Variants in KIAA1755 observed in about 807,000 individuals in gnomAD.
The protein encoded by KIAA1755 is KIAA1755, also known as uncharacterized protein KIAA1755.
In KIAA1755, 68 loss-of-function variants were observed where a neutral mutation model predicts 91.7. The ratio of observed to expected loss-of-function variants is 0.74; its 90% CI spans 0.61 to 0.91. The LOEUF (loss-of-function observed/expected upper bound fraction) is 0.91, where lower values mean the gene tolerates loss of function less well. KIAA1755 is among the 40% of genes least tolerant of loss of function. The pLI is 0.00. For synonymous variants in KIAA1755, 610 were observed against 604.6 expected (o/e 1.01, Z -0.13); for missense variants, 1,535 against 1,494.4 (o/e 1.03, Z -0.45).
chr20:38,244,866 T>C (rs906766993), intron 2 of KIAA1755, among the ~76,000 whole-genome samples: 5 of 152,162 alleles, frequency 3.3e-5, no homozygotes, highest in African/African-American at 1.2e-4. Flanking sequence ...TAGCTGGGAC[T>C]ACAGGCATGT....
Position 38,241,291 on chromosome 20 carries a change from G to A in KIAA1755, c.840C>T (p.Gly280=). Reference sequence around the variant, plus strand: ...ACTCTCCTCTGCTCTCTTGGGAAAAGCCTAGGAGAGCCACATAGTCTCCCT... The same window carrying A: ...ACTCTCCTCTGCTCTCTTGGGAAAAACCTAGGAGAGCCACATAGTCTCCCT... ...DFEGDYVALL[G]FSQESRGESP... The change falls in exon 3 of 14, where the codon GGC becomes GGT. Residue 280 remains glycine, a synonymous_variant. Coordinates refer to ENST00000279024, the MANE Select transcript of KIAA1755 (RefSeq NM_001029864.2). 6.2e-7 allele frequency: 1 copy of A among 1,614,110 alleles called. No homozygotes were observed. Among genetic ancestry groups the A allele is most frequent in the Non-Finnish European group, 8.5e-7 (1 of 1,180,004 alleles).
Position 38,223,539 on chromosome 20 carries a change from T to C in KIAA1755, c.2267A>G (p.Gln756Arg), listed in dbSNP as rs200914841. The C allele has an allele frequency of 8.6e-5, 136 of 1,576,974 alleles. No individual in the cohort carries two copies. Among genetic ancestry groups the C allele is most frequent in the Non-Finnish European group, 1.0e-4 (119 of 1,166,352 alleles). Residue 756 changes from glutamine to arginine, a missense_variant and splice_region_variant, in exon 9 of 14, where the codon CAG becomes CGG. Coordinates refer to ENST00000279024, the MANE Select transcript of KIAA1755 (RefSeq NM_001029864.2). Reference sequence around the variant, plus strand: ...CCAGTCACCATGCTCCAGGCTCACCTGCATCCCCCCAGGGGGGTCGGCCTT... The same window carrying C: ...CCAGTCACCATGCTCCAGGCTCACCCGCATCCCCCCAGGGGGGTCGGCCTT... ...FEKADPPGGMQEATRCLSKSK... is the reference protein window; with the variant it reads ...FEKADPPGGMREATRCLSKSK...
chr20:38,233,908 T>C (rs1488995527), intron 4 of KIAA1755: 1 of 152,098 alleles, frequency 6.6e-6, no homozygotes, highest in African/African-American at 2.4e-5. Context: ...AGATAGGGTG[T>C]TTAAAGAGGT....
intron 4 of KIAA1755, among the ~76,000 whole-genome samples, chr20:38,235,218 CTGAGAGCTCAGGG>C (rs1187287897): frequency 6.6e-6 from 1 of 152,182 alleles, no homozygotes; most frequent in African/African-American, 2.4e-5. Flanking sequence ...TATGGAGCAA[CTGAGAGCTCAGGG>C]TGAGGTCTCA....
intron 1 of KIAA1755, among the ~76,000 whole-genome samples, chr20:38,247,484 T>G (rs1335790453): frequency 1.3e-5 from 2 of 152,198 alleles, no homozygotes; most frequent in African/African-American, 4.8e-5. Flanking sequence ...TCCAGGAGAT[T>G]TTCTTGGGTG....
chr20:38,228,065 C>A, intron 6 of KIAA1755, 82 bp downstream of exon 6: 2 of 969,016 alleles, frequency 2.1e-6, no homozygotes, highest in African/African-American at 1.7e-5. Context: ...CAGCCTTAAG[C>A]ACCCCCGGAC....
intron 1 of KIAA1755, 151 bp downstream of exon 1, chr20:38,260,347 G>A (rs763033754): frequency 2.5e-6 from 4 of 1,573,752 alleles, no homozygotes; most frequent in Non-Finnish European, 3.5e-6. Context: ...CCCTGCTGGG[G>A]TGGAAGCAGG....
rs185652815 is a variant in KIAA1755 at position 38,232,552 on chromosome 20, T to C, written c.1748-1227A>G. Among the ~76,000 whole-genome samples the C allele has an allele frequency of 2.2e-3, 326 of 148,998 alleles. 3 individuals are homozygous for C. In the East Asian group the frequency reaches 0.043, roughly 20 times the overall value. On this transcript the variant is annotated intron_variant, in intron 4 of 13. Coordinates refer to ENST00000279024, the MANE Select transcript of KIAA1755 (RefSeq NM_001029864.2). ...CTGAGGCATGAGAATGGCGTGAACC[T>C]GGGAGGTGGAGCTTGCAGTGAGCCG...
Position 38,212,551 on chromosome 20 carries a change from A to C in KIAA1755, c.*491T>G, listed in dbSNP as rs1431700489. The C allele has an allele frequency of 1.3e-5, 2 of 155,294 alleles. No individual in the cohort carries two copies. The highest frequency in any genetic ancestry group is 3.8e-4 in the East Asian group (2 of 5,252). 9.6% of individuals were successfully genotyped at this position (155,294 alleles called of 1,614,324 possible). Reference sequence around the variant, plus strand: ...AGCAGAGGTTCCTGGATCAGCACCAAACACACTGATCCTTAAATCCTCATC... The same window carrying C: ...AGCAGAGGTTCCTGGATCAGCACCACACACACTGATCCTTAAATCCTCATC... On this transcript the variant is annotated 3_prime_UTR_variant, in exon 14 of 14. Coordinates refer to ENST00000279024, the MANE Select transcript of KIAA1755 (RefSeq NM_001029864.2).
chr20:38,215,807 C>A (rs1239876861), intron 13 of KIAA1755, among the ~76,000 whole-genome samples: 1 of 152,158 alleles, frequency 6.6e-6, no homozygotes, highest in South Asian at 2.1e-4. Context: ...TACTCCTCTT[C>A]TTCCTCCTCT....
At chr20:38,233,046 G>A (rs571559523) in intron 4 of KIAA1755, among the ~76,000 whole-genome samples, 4 of 152,136 alleles carry the variant, frequency 2.6e-5, no homozygotes, top group Admixed American at 6.5e-5. Context: ...CGCTTGAGCC[G>A]GGGAGGTTGA....
intron 4 of KIAA1755, among the ~76,000 whole-genome samples, chr20:38,232,199 G>T (rs185184812): frequency 1.3e-5 from 2 of 152,312 alleles, no homozygotes; most frequent in Non-Finnish European, 2.9e-5. Flanking sequence ...CCTCTGCAGC[G>T]TGCAAAACCC....
Position 38,223,551 on chromosome 20 carries a change from G to C in KIAA1755, c.2255C>G (p.Pro752Arg). The stretch of plus-strand genomic sequence containing the variant: ...CTCCAGGCTCACCTGCATCCCCCCA[G>C]GGGGGTCGGCCTTCTCGAATTCCTC... ...SIEEFEKADP[P>R]GGMQEATRCL... Residue 752 changes from proline to arginine, a missense_variant, in exon 9 of 14, where the codon CCT becomes CGT. Coordinates refer to ENST00000279024, the MANE Select transcript of KIAA1755 (RefSeq NM_001029864.2). The C allele has an allele frequency of 2.5e-6, 4 of 1,594,298 alleles. No individual in the cohort carries two copies. Among genetic ancestry groups the C allele is most frequent in the South Asian group, 1.1e-5 (1 of 87,878 alleles).
intron 2 of KIAA1755, among the ~76,000 whole-genome samples, chr20:38,244,806 TCAAGCGATTCTCCTGCCTC>T (rs2076126189): frequency 6.6e-6 from 1 of 152,162 alleles, no homozygotes; most frequent in South Asian, 2.1e-4. Context: ...CCTCCTGGGT[TCAAGCGATTCTCCTGCCTC>T]CAAGCGATTC....
In KIAA1755 at chr20:38,222,457, AG is replaced by A; in HGVS notation, c.2408del (p.Pro803LeufsTer66). On this transcript the variant is annotated frameshift_variant, in exon 10 of 14. Coordinates refer to ENST00000279024, the MANE Select transcript of KIAA1755 (RefSeq NM_001029864.2). LOFTEE classifies it high-confidence loss of function. ...QHDASRLDFS[P>X]DVRSHLAAAT... ...GGCCTGGACGTCTGTACCTGACATC[AG>A]GGCTGAAGTCCAGCCTGCTGGCATC... 3 of 1,612,950 alleles carry A rather than the reference AG, an allele frequency of 1.9e-6. No individual in the cohort carries two copies. Among genetic ancestry groups the A allele is most frequent in the Non-Finnish European group, 2.5e-6 (3 of 1,179,918 alleles).
rs2075859709 is a variant in KIAA1755 at position 38,231,326 on chromosome 20, C to T, written c.1748-1G>A. 1 of 1,606,776 alleles carries T rather than the reference C, an allele frequency of 6.2e-7. No individual in the cohort carries two copies. Among genetic ancestry groups the T allele is most frequent in the South Asian group, 1.1e-5 (1 of 89,872 alleles). ...GGCCGCCCGGCCCTGTCCCGGCCAC[C>T]TGGAGGACAGAGGGCACACGTGAGC... On this transcript the variant is annotated splice_acceptor_variant, in intron 4 of 13. Transcript: ENST00000279024. LOFTEE classifies it high-confidence loss of function.
At position 38,227,199 on chromosome 20, in the gene KIAA1755, C is replaced by T; in HGVS notation, c.2007G>A (p.Gly669=). 2 of 1,613,978 alleles carry T rather than the reference C, an allele frequency of 1.2e-6. No homozygotes were observed. Among genetic ancestry groups the T allele is most frequent in the South Asian group, 1.1e-5 (1 of 91,054 alleles). Reference sequence around the variant, plus strand: ...GCAGCTGGAGAGCCGCCTCCTTCTCCCCCAGGAAGAGAATAGCCCGGATAG... The same window carrying T: ...GCAGCTGGAGAGCCGCCTCCTTCTCTCCCAGGAAGAGAATAGCCCGGATAG... The part of the protein sequence containing the change: ...PASIRAILFL[G]EKEAALQLQT... Residue 669 remains glycine (G), a synonymous_variant, in exon 7 of 14, where the codon GGG becomes GGA. Coordinates refer to ENST00000279024, the MANE Select transcript of KIAA1755 (RefSeq NM_001029864.2).
chr20:38,253,684 G>A (rs886964971), intron 1 of KIAA1755, among the ~76,000 whole-genome samples: 44 of 152,204 alleles, frequency 2.9e-4, no homozygotes, highest in African/African-American at 1.0e-3. Flanking sequence ...TGCGGGGCAG[G>A]GGCCTCGTAA....
At chr20:38,251,442 T>C (rs79909138) in intron 1 of KIAA1755, among the ~76,000 whole-genome samples, 2,466 of 152,018 alleles carry the variant, frequency 0.016, 79 homozygotes, top group African/African-American at 0.057. Context: ...CAGGGAACCT[T>C]GTAGTGCAGA....
Sources: gnomAD v4.1 joint callset for allele counts (sites outside exome capture counted in the v4.1 genomes callset) on GRCh38, gnomAD v4.1.1 for gene constraint, MANE v1.5 for transcripts, NCBI Gene and HGNC (gene_info 2026-07-23, HGNC 2026-07-21) for gene names.